The following EXOC4 variants were observed in gnomAD, a reference collection of about 807,000 sequenced individuals.
The protein encoded by EXOC4 is exocyst complex component 4.
Under a neutral mutation model 107.2 loss-of-function variants are expected in EXOC4, and 71 were observed. The ratio of observed to expected loss-of-function variants is 0.66; its 90% confidence interval spans 0.55 to 0.81. The LOEUF is 0.81. EXOC4 is among the 30% of genes least tolerant of loss of function. The probability of loss-of-function intolerance (pLI) is 0.00; values close to 1 mark genes in which losing one functional copy is unlikely to be tolerated. For missense variants in EXOC4, 1,108 were observed against 1,189.6 expected (o/e 0.93, Z 1.01); for synonymous variants, 456 against 441.2 (o/e 1.03, Z -0.42).
chr7:133,423,681 C>T (rs575464387), intron 7 of EXOC4, among the ~76,000 whole-genome samples: 2 of 152,370 alleles, frequency 1.3e-5, no homozygotes, highest in East Asian at 3.9e-4. Flanking sequence ...TTGGCATCCG[C>T]TCTGGGCCCT....
chr7:133,555,295 A>G (rs1289154980), intron 9 of EXOC4, among the ~76,000 whole-genome samples: 1 of 152,214 alleles, frequency 6.6e-6, no homozygotes, highest in East Asian at 1.9e-4. Flanking sequence ...TTATGTTTCA[A>G]CTTCAAAGAT....
chr7:133,601,265 G>A (rs927855835), intron 9 of EXOC4, among the ~76,000 whole-genome samples: 29 of 151,650 alleles, frequency 1.9e-4, no homozygotes, highest in Non-Finnish European at 5.9e-5. Flanking sequence ...TGATAGTCCT[G>A]TTATTTTTAT....
chr7:133,654,041 A>G (rs781044125), intron 10 of EXOC4, among the ~76,000 whole-genome samples: 2 of 152,194 alleles, frequency 1.3e-5, no homozygotes, highest in Non-Finnish European at 2.9e-5. Flanking sequence ...TTTGGGACTC[A>G]TAAAATAGGG....
intron 4 of EXOC4, among the ~76,000 whole-genome samples, chr7:133,309,043 C>A (rs1794812978): frequency 6.6e-6 from 1 of 152,080 alleles, no homozygotes; most frequent in Non-Finnish European, 1.5e-5. Context: ...CTTCATTTGC[C>A]TTTCTTTACT....
At chr7:133,317,529 T>A (rs1795018318) in intron 5 of EXOC4, 139 bp downstream of exon 5, 2 of 619,504 alleles carry the variant, frequency 3.2e-6, no homozygotes, top group South Asian at 3.8e-5. Context: ...GAACCTGTGA[T>A]GAGCCCTTTG....
chr7:133,286,976 C>T (rs1170865400), intron 2 of EXOC4, among the ~76,000 whole-genome samples: 3 of 152,158 alleles, frequency 2.0e-5, no homozygotes, highest in Admixed American at 2.0e-4. Flanking sequence ...CAGAATACTC[C>T]TATAGAAACT....
At chr7:133,775,939 C>A (rs1197456790) in intron 10 of EXOC4, among the ~76,000 whole-genome samples, 1 of 152,150 alleles carries the variant, frequency 6.6e-6, no homozygotes, top group East Asian at 1.9e-4. Flanking sequence ...ACCACATCAT[C>A]AGTTATCTAG....
chr7:134,033,496 A>G (rs751367640), intron 17 of EXOC4, among the ~76,000 whole-genome samples: 5 of 152,088 alleles, frequency 3.3e-5, no homozygotes, highest in Non-Finnish European at 7.4e-5. Context: ...CACCCCACAT[A>G]ACACTCCCAG....
At chr7:133,397,206 C>T (rs866375638) in intron 7 of EXOC4, among the ~76,000 whole-genome samples, 2 of 151,638 alleles carry the variant, frequency 1.3e-5, no homozygotes, top group South Asian at 2.1e-4. Context: ...TTCGGCTCAC[C>T]GCAACTTCCA....
At chr7:133,957,457 T>C (rs936058658) in intron 14 of EXOC4, among the ~76,000 whole-genome samples, 3 of 152,236 alleles carry the variant, frequency 2.0e-5, no homozygotes, top group African/African-American at 7.2e-5. Context: ...AAAATCCTGA[T>C]GCAAAGTACA....
chr7:133,673,119 T>C (rs1182477395), intron 10 of EXOC4, among the ~76,000 whole-genome samples: 2 of 152,166 alleles, frequency 1.3e-5, no homozygotes, highest in Non-Finnish European at 2.9e-5. Flanking sequence ...GGATTGGAGA[T>C]AGCCTCAGTA....
chr7:133,306,416 G>A (rs1349362579), intron 4 of EXOC4, among the ~76,000 whole-genome samples: 1 of 152,030 alleles, frequency 6.6e-6, no homozygotes, highest in African/African-American at 2.4e-5. Context: ...TAGATATATT[G>A]GCTGGGTGCA....
chr7:133,879,731 C>A (rs1423654696), intron 11 of EXOC4, among the ~76,000 whole-genome samples: 1 of 152,152 alleles, frequency 6.6e-6, no homozygotes, highest in African/African-American at 2.4e-5. Context: ...GTATCATAGA[C>A]TATCTATATA....
intron 12 of EXOC4, among the ~76,000 whole-genome samples, chr7:133,904,263 C>G (rs575174690): frequency 2.0e-5 from 3 of 152,230 alleles, no homozygotes; most frequent in Non-Finnish European, 2.9e-5. Context: ...GGGAAAATCC[C>G]TGAAATTATG....
chr7:133,341,614 A>G (rs1795662737), intron 5 of EXOC4, among the ~76,000 whole-genome samples: 1 of 152,178 alleles, frequency 6.6e-6, no homozygotes, highest in Admixed American at 6.5e-5. Context: ...TGACCTGTCT[A>G]GTGCTGTCAG....
intron 17 of EXOC4, among the ~76,000 whole-genome samples, chr7:134,022,034 C>G (rs1795042356): frequency 6.6e-6 from 1 of 152,162 alleles, no homozygotes; most frequent in South Asian, 2.1e-4. Context: ...TTCCCCATTT[C>G]TCCCTTAGGT....
At chr7:133,983,231 G>T (rs947925340) in intron 14 of EXOC4, among the ~76,000 whole-genome samples, 1 of 152,082 alleles carries the variant, frequency 6.6e-6, no homozygotes, top group African/African-American at 2.4e-5. Flanking sequence ...CCTCCCCCAT[G>T]ACCCAAACAC....
At position 133,838,370 on chromosome 7, in the gene EXOC4, C is replaced by T. The variant is rs1254779871; in HGVS notation, c.1734+20826C>T. 1.3e-5 allele frequency among the ~76,000 whole-genome samples: 2 copies of T among 152,160 alleles called. 1 individual carries two copies. The highest frequency in any genetic ancestry group is 2.9e-5 in the Non-Finnish European group (2 of 68,018). On this transcript the variant is annotated intron_variant, in intron 11 of 17. Coordinates refer to ENST00000253861, the MANE Select transcript of EXOC4 (RefSeq NM_021807.4). Reference sequence around the variant, plus strand: ...AATTGATGCTGTTTAATAGAAATCTCTCCCCTTCATCTGCAATATTAATGT... The same window carrying T: ...AATTGATGCTGTTTAATAGAAATCTTTCCCCTTCATCTGCAATATTAATGT...
At chr7:133,515,791 T>G (rs984301013) in intron 9 of EXOC4, among the ~76,000 whole-genome samples, 1 of 152,162 alleles carries the variant, frequency 6.6e-6, no homozygotes, top group Non-Finnish European at 1.5e-5. Context: ...TTTAATCAAA[T>G]CAAGTTTTTA....
Sources: allele counts gnomAD v4.1 joint callset (sites outside exome capture counted in the v4.1 genomes callset), GRCh38; gene constraint gnomAD v4.1.1; transcripts MANE v1.5; gene names NCBI Gene and HGNC (gene_info 2026-07-23, HGNC 2026-07-21).